Variants in ROBO1 observed in about 807,000 individuals in gnomAD.
The protein encoded by ROBO1 is roundabout guidance receptor 1.
A neutral mutation model predicts 195.9 loss-of-function variants in ROBO1; 149 were observed. That is an observed-to-expected ratio of 0.76 (90% CI 0.67 to 0.87). The LOEUF is 0.87. Ranked by LOEUF, ROBO1 falls within the 40% of genes least tolerant of loss-of-function variation. The probability of loss-of-function intolerance (pLI) is 0.00; values close to 1 mark genes in which losing one functional copy is unlikely to be tolerated. For synonymous variants in ROBO1, 816 were observed against 733.2 expected (o/e 1.11, Z -1.82); for missense variants, 1,933 against 2,068.3 (o/e 0.93, Z 1.27).
chr3:79,012,864 CTCT>C (rs1559590562), intron 3 of ROBO1, among the ~76,000 whole-genome samples: 1 of 152,136 alleles, frequency 6.6e-6, no homozygotes, highest in South Asian at 2.1e-4. Context: ...TTTTTTCTTC[CTCT>C]TCTTCAACAG....
intron 3 of ROBO1, among the ~76,000 whole-genome samples, chr3:79,083,234 G>A (rs1405400774): frequency 2.0e-5 from 3 of 151,918 alleles, no homozygotes; most frequent in African/African-American, 7.3e-5. Flanking sequence ...AGAGTTACCA[G>A]GAAAGAGTTG....
intron 5 of ROBO1, among the ~76,000 whole-genome samples, chr3:78,727,702 A>G (rs1347422472): frequency 6.6e-6 from 1 of 152,222 alleles, no homozygotes; most frequent in East Asian, 1.9e-4. Context: ...GAACATACAC[A>G]TTAATAATTT....
At chr3:79,693,295 G>GAATTATAAA (rs1947347189) in intron 1 of ROBO1, among the ~76,000 whole-genome samples, 4 of 151,518 alleles carry the variant, frequency 2.6e-5, no homozygotes, top group Admixed American at 6.6e-5. Flanking sequence ...ATAAAACAAA[G>GAATTATAAA]ACAGGAAATG....
chr3:79,160,929 T>A (rs1319390796), intron 2 of ROBO1, among the ~76,000 whole-genome samples: 2 of 152,082 alleles, frequency 1.3e-5, no homozygotes, highest in Admixed American at 1.3e-4. Flanking sequence ...GTAAAGAGAA[T>A]TAATGAAAAC....
At chr3:79,689,511 T>C (rs1330295999) in intron 1 of ROBO1, among the ~76,000 whole-genome samples, 1 of 151,984 alleles carries the variant, frequency 6.6e-6, no homozygotes, top group Non-Finnish European at 1.5e-5. Flanking sequence ...AGATATATGG[T>C]ACATCTGTAG....
intron 2 of ROBO1, among the ~76,000 whole-genome samples, chr3:79,262,106 C>G (rs2082949915): frequency 6.6e-6 from 1 of 152,010 alleles, no homozygotes; most frequent in Admixed American, 6.6e-5. Flanking sequence ...CAGAGCAAAA[C>G]AACTAAAACA....
At chr3:79,362,195 C>G (rs1340544323) in intron 2 of ROBO1, among the ~76,000 whole-genome samples, 1 of 151,948 alleles carries the variant, frequency 6.6e-6, no homozygotes, top group African/African-American at 2.4e-5. Flanking sequence ...ATGAAAGATA[C>G]AAGACAGTAG....
intron 2 of ROBO1, among the ~76,000 whole-genome samples, chr3:79,156,959 A>T: frequency 6.6e-6 from 1 of 152,016 alleles, no homozygotes; most frequent in Admixed American, 6.6e-5. Context: ...TTCAGAGAGC[A>T]CACTTCAGAC....
chr3:79,181,999 T>C (rs943078054), intron 2 of ROBO1, among the ~76,000 whole-genome samples: 1 of 151,266 alleles, frequency 6.6e-6, no homozygotes, highest in Non-Finnish European at 1.5e-5. Context: ...TTCACTTTTA[T>C]ATATATTTAT....
chr3:79,607,237 T>C (rs1944517520), intron 1 of ROBO1, among the ~76,000 whole-genome samples: 1 of 151,502 alleles, frequency 6.6e-6, no homozygotes, highest in Non-Finnish European at 1.5e-5. Context: ...AAGGTTAATA[T>C]ATTTAAAATT....
intron 3 of ROBO1, among the ~76,000 whole-genome samples, chr3:79,120,554 A>G (rs893583036): frequency 6.6e-6 from 1 of 152,140 alleles, no homozygotes; most frequent in African/African-American, 2.4e-5. Flanking sequence ...AAGAGAAAGT[A>G]ATTAGATCTA....
intron 1 of ROBO1, among the ~76,000 whole-genome samples, chr3:79,721,072 T>G (rs10779983): frequency 0.61 from 93,236 of 152,010 alleles, 29,144 homozygotes; most frequent in East Asian, 0.91. Flanking sequence ...GATTACAGGC[T>G]TGAGCCACCA....
At chr3:79,189,368 TA>T (rs2081498721) in intron 2 of ROBO1, among the ~76,000 whole-genome samples, 1 of 151,808 alleles carries the variant, frequency 6.6e-6, no homozygotes, top group East Asian at 1.9e-4. Context: ...TTGAACTAAA[TA>T]AATGTAAATA....
At position 79,157,210 on chromosome 3, in the gene ROBO1, A is replaced by G. The variant is rs142864690; in HGVS notation, c.89-31671T>C. Among the ~76,000 whole-genome samples the G allele has an allele frequency of 2.0e-3, 309 of 151,754 alleles. 5 individuals are homozygous for G. Among genetic ancestry groups the G allele is most frequent in the Admixed American group, 0.016 (245 of 15,216 alleles). On this transcript the variant is annotated intron_variant, in intron 2 of 30. Transcript: ENST00000464233. Reference sequence around the variant, plus strand: ...AATGTTTGGGGGGCTTTTTCCCTGGACTTTCTCTGCAATGATTTGGTGAGC... The same window carrying G: ...AATGTTTGGGGGGCTTTTTCCCTGGGCTTTCTCTGCAATGATTTGGTGAGC...
chr3:79,195,463 C>A (rs775412800), intron 2 of ROBO1, among the ~76,000 whole-genome samples: 1 of 151,562 alleles, frequency 6.6e-6, no homozygotes, highest in Non-Finnish European at 1.5e-5. Context: ...AAGCAGGGAA[C>A]CACTTACTGA....
At chr3:79,634,860 C>A (rs184211679) in intron 1 of ROBO1, among the ~76,000 whole-genome samples, 7 of 152,130 alleles carry the variant, frequency 4.6e-5, no homozygotes, top group Non-Finnish European at 1.0e-4. Flanking sequence ...TTCTGATAAG[C>A]GAATAGGAAC....
chr3:79,445,293 T>C (rs879465589), intron 2 of ROBO1, among the ~76,000 whole-genome samples: 6 of 151,836 alleles, frequency 4.0e-5, no homozygotes, highest in Non-Finnish European at 8.8e-5. Flanking sequence ...TTCAGTCTCA[T>C]TATTTAACCC....
intron 2 of ROBO1, among the ~76,000 whole-genome samples, chr3:79,354,281 C>T (rs560651417): frequency 4.6e-5 from 7 of 152,268 alleles, no homozygotes; most frequent in African/African-American, 1.4e-4. Context: ...TGAGAAGAAA[C>T]AGAACTTATT....
rs566575337 is a variant in ROBO1, at chr3:78,606,963, G to T, written c.4514C>A (p.Pro1505His). Residue 1505 changes from proline to histidine, a missense_variant, in exon 29 of 31, where the codon CCT (proline) becomes CAT (histidine). By Grantham distance (77) the Pro-to-His change is moderately conservative. Transcript: ENST00000464233. Reference sequence around the variant, plus strand: ...AGAAGGGAGTTTTGGCACCACTACAGGTCGTACTTCCAGCTGTGTCTTGGA... The same window carrying T: ...AGAAGGGAGTTTTGGCACCACTACATGTCGTACTTCCAGCTGTGTCTTGGA... ...AQSKTQLEVR[P>H]VVVPKLPSMD... 1.1e-5 allele frequency: 18 copies of T among 1,613,834 alleles called. No individual in the cohort carries two copies. The Middle Eastern group carries it at 4.9e-4, about 44-fold the overall frequency.
Sources: allele counts gnomAD v4.1 joint callset (sites outside exome capture counted in the v4.1 genomes callset), GRCh38; gene constraint gnomAD v4.1.1; transcripts MANE v1.5; gene names NCBI Gene and HGNC (gene_info 2026-07-23, HGNC 2026-07-21).